The following RNLS variants were observed in gnomAD, a reference collection of about 807,000 sequenced individuals.
The protein encoded by RNLS is renalase, FAD dependent amine oxidase, also known as renalase.
RNLS carries 39 observed loss-of-function variants against 39.8 expected under a neutral mutation model. The ratio of observed to expected loss-of-function variants is 0.98; its 90% confidence interval spans 0.76 to 1.28. The LOEUF (loss-of-function observed/expected upper bound fraction) is 1.28, where lower values mean the gene tolerates loss of function less well. RNLS is among the 50% of genes most tolerant of loss of function. The pLI is 0.00. For missense variants in RNLS, 410 were observed against 413.3 expected (o/e 0.99, Z 0.07); for synonymous variants, 147 against 150.7 (o/e 0.98, Z 0.18).
chr10:88,278,189 A>G (rs965825553), intron 6 of RNLS, among the ~76,000 whole-genome samples: 2 of 152,122 alleles, frequency 1.3e-5, no homozygotes, highest in Non-Finnish European at 2.9e-5. Flanking sequence ...AATGGTCAAC[A>G]TCTCAATTTC....
chr10:88,188,331 A>G, the RNLS span, among the ~76,000 whole-genome samples: 5 of 152,220 alleles, frequency 3.3e-5, no homozygotes, highest in Non-Finnish European at 7.3e-5. Flanking sequence ...TGCTAGGATT[A>G]CAGGCATGAG....
chr10:88,191,626 C>T, the RNLS span, among the ~76,000 whole-genome samples: 4 of 152,196 alleles, frequency 2.6e-5, no homozygotes, highest in Non-Finnish European at 5.9e-5. Context: ...CTGAGCTATG[C>T]TCCTGGGGAG....
chr10:88,207,203 C>T, the RNLS span, among the ~76,000 whole-genome samples: 20 of 151,968 alleles, frequency 1.3e-4, no homozygotes, highest in African/African-American at 4.8e-4. Flanking sequence ...AAATTAAAAA[C>T]GTATGTTACT....
At chr10:88,458,906 G>A (rs1564816273) in intron 4 of RNLS, among the ~76,000 whole-genome samples, 1 of 152,108 alleles carries the variant, frequency 6.6e-6, no homozygotes, top group Non-Finnish European at 1.5e-5. Flanking sequence ...TATAAAAATG[G>A]ATGGCAGAAA....
intron 4 of RNLS, among the ~76,000 whole-genome samples, chr10:88,532,565 T>C (rs1307504531): frequency 6.6e-6 from 1 of 152,074 alleles, no homozygotes; most frequent in African/African-American, 2.4e-5. Flanking sequence ...ACATAAATTC[T>C]GTGGAGGGTA....
the RNLS span, among the ~76,000 whole-genome samples, chr10:88,240,457 T>C: frequency 6.6e-6 from 1 of 152,146 alleles, no homozygotes. Context: ...TTCTCTTAAA[T>C]AGTCATTTCC....
the RNLS span, among the ~76,000 whole-genome samples, chr10:88,214,247 C>T: frequency 6.6e-6 from 1 of 152,070 alleles, no homozygotes; most frequent in Non-Finnish European, 1.5e-5. Flanking sequence ...TTCACATACC[C>T]GTCTCTGGAC....
At chr10:88,560,941 A>AACACACACACACAC (rs35709088) in intron 4 of RNLS, among the ~76,000 whole-genome samples, 8 of 145,810 alleles carry the variant, frequency 5.5e-5, no homozygotes, top group African/African-American at 2.0e-4. Context: ...GTTCAGAGAT[A>AACACACACACACAC]ACACACACAC....
At chr10:88,351,109 T>G (rs1243367420) in intron 5 of RNLS, among the ~76,000 whole-genome samples, 1 of 152,174 alleles carries the variant, frequency 6.6e-6, no homozygotes, top group Non-Finnish European at 1.5e-5. Context: ...GTTTGAGTTC[T>G]TTCTAGATTC....
At chr10:88,322,475 T>C (rs1485429082) in intron 5 of RNLS, among the ~76,000 whole-genome samples, 2 of 152,212 alleles carry the variant, frequency 1.3e-5, no homozygotes, top group Non-Finnish European at 1.5e-5. Context: ...GCTGTTCTCA[T>C]GACAGTGAGT....
chr10:88,575,081 C>T (rs1003235078), intron 3 of RNLS, among the ~76,000 whole-genome samples: 76 of 145,462 alleles, frequency 5.2e-4, no homozygotes, highest in African/African-American at 1.7e-3. Context: ...CCCAGATGAA[C>T]GCCTTGAAAA....
the RNLS span, among the ~76,000 whole-genome samples, chr10:88,188,526 C>T: frequency 1.1e-4 from 16 of 152,308 alleles, 1 homozygote; most frequent in South Asian, 6.2e-4. Context: ...ATTTTGGGTA[C>T]GATGCTTTTC....
At position 88,572,951 on chromosome 10, in the gene RNLS, T is replaced by G. The variant is rs777232513; in HGVS notation, c.478A>C (p.Thr160Pro). The change falls in exon 4 of 7, where the codon ACA becomes CCA. Residue 160 changes from threonine to proline, a missense_variant. Transcript: ENST00000331772. ...SPEQFDLIVL[T>P]MPVPEILQLQ... ...TGCAGAATCTCAGGAACTGGCATTG[T>G]GAGAACAATAAGATCAAACTGCTCA... The G allele has an allele frequency of 3.1e-6, 5 of 1,613,932 alleles. No homozygotes were observed. The East Asian group carries it at 1.1e-4, about 36-fold the overall frequency.
chr10:88,457,673 A>C (rs1191944179), intron 4 of RNLS, among the ~76,000 whole-genome samples: 1 of 152,196 alleles, frequency 6.6e-6, no homozygotes, highest in African/African-American at 2.4e-5. Context: ...TTTGAGTTTT[A>C]ACTCAGACCC....
chr10:88,394,701 C>T (rs1852440202), intron 4 of RNLS, among the ~76,000 whole-genome samples: 1 of 152,014 alleles, frequency 6.6e-6, no homozygotes, highest in African/African-American at 2.4e-5. Flanking sequence ...TGGGTATATA[C>T]CCAAAGGATT....
intron 4 of RNLS, among the ~76,000 whole-genome samples, chr10:88,548,495 CA>C (rs1199944364): frequency 2.0e-5 from 3 of 146,836 alleles, no homozygotes; most frequent in African/African-American, 7.5e-5. Context: ...AAAAATTAGC[CA>C]GGCATGGTGG....
chr10:88,492,831 G>A (rs1334190376), intron 4 of RNLS, among the ~76,000 whole-genome samples: 2 of 152,014 alleles, frequency 1.3e-5, no homozygotes, highest in African/African-American at 4.8e-5. Flanking sequence ...ATTTATGAAA[G>A]GTTCCTGAAA....
chr10:88,367,914 A>G (rs1850250400), intron 4 of RNLS, among the ~76,000 whole-genome samples: 1 of 152,076 alleles, frequency 6.6e-6, no homozygotes, highest in East Asian at 1.9e-4. Context: ...CTTAAATATG[A>G]ATTTACTTAA....
At chr10:88,412,576 A>G (rs1054027810) in intron 4 of RNLS, among the ~76,000 whole-genome samples, 5 of 151,480 alleles carry the variant, frequency 3.3e-5, no homozygotes, top group Non-Finnish European at 7.4e-5. Flanking sequence ...ACAAAAGTTG[A>G]AAAAAAAATA....
Sources: allele counts gnomAD v4.1 joint callset (sites outside exome capture counted in the v4.1 genomes callset), GRCh38; gene constraint gnomAD v4.1.1; transcripts MANE v1.5; gene names NCBI Gene and HGNC (gene_info 2026-07-23, HGNC 2026-07-21).